HIVEP3: variants seen among roughly 807,000 people sequenced by gnomAD.
HIVEP3 encodes the protein transcription factor HIVEP3.
Under a neutral mutation model 152.8 loss-of-function variants are expected in HIVEP3, and 49 were observed. The observed-to-expected ratio is 0.32, with a 90% CI of 0.26 to 0.41. HIVEP3 has a LOEUF of 0.41. HIVEP3 is among the 10% of genes least tolerant of loss of function. HIVEP3 has a pLI of 1.00. For synonymous variants in HIVEP3, 1,269 were observed against 1,289.0 expected, an observed-to-expected ratio of 0.98 and a Z score of 0.33; for missense variants, 2,790 against 3,103.3, an observed-to-expected ratio of 0.90 and a Z score of 2.40.
At chr1:41,699,738 C>G (rs1646332898) in intron 2 of HIVEP3, among the ~76,000 whole-genome samples, 1 of 152,080 alleles carries the variant, frequency 6.6e-6, no homozygotes, top group African/African-American at 2.4e-5. Flanking sequence ...CTGCCCTGGG[C>G]CCCTATTGAG....
intron 3 of HIVEP3, among the ~76,000 whole-genome samples, chr1:41,598,366 C>G (rs760857868): frequency 1.1e-4 from 17 of 152,146 alleles, no homozygotes; most frequent in Non-Finnish European, 2.1e-4. Context: ...AGTTAAGGTT[C>G]TTGTGTCTAC....
chr1:41,590,040 C>T lies in HIVEP3; in HGVS notation c.-521-4722G>A, dbSNP rs554463937. 3.3e-5 allele frequency among the ~76,000 whole-genome samples: 5 copies of T among 152,356 alleles called. No homozygotes were observed. The South Asian group carries it at 1.0e-3, about 32-fold the overall frequency. ...TGCCCCTTCTAAAAATCTCTGTGTA[C>T]AACACTCTGTGTGTGTGCATGTATG... On this transcript the variant is annotated intron_variant, in intron 3 of 8. Transcript: ENST00000372583.
At position 41,582,058 on chromosome 1, in the gene HIVEP3, C is replaced by T; in HGVS notation, c.2740G>A (p.Ala914Thr). ...AAGCTGGACTCCCCTGATGATTGGG[C>T]CATCTCTGCCAGGCGCAACCTCTTC... ...KKKRLRLAEM[A>T]QSSGESSFES... The change falls in exon 4 of 9, where the codon GCC (alanine) becomes ACC (threonine). Residue 914 changes from alanine to threonine, a missense_variant. Transcript: ENST00000372583. The surrounding 1 kb of genome is among the most constrained non-coding windows in gnomAD (Gnocchi z 4.7). 1.2e-6 allele frequency: 2 copies of T among 1,614,196 alleles called. No individual in the cohort carries two copies. The highest frequency in any genetic ancestry group is 1.3e-5 in the African/African-American group (1 of 75,060).
At chr1:41,592,405 T>C (rs964015481) in intron 3 of HIVEP3, among the ~76,000 whole-genome samples, 2 of 152,238 alleles carry the variant, frequency 1.3e-5, no homozygotes, top group Non-Finnish European at 2.9e-5. Context: ...CAGGTGACAG[T>C]GTGGCCAACT....
intron 1 of HIVEP3, among the ~76,000 whole-genome samples, chr1:41,852,084 G>T (rs1426596267): frequency 1.3e-5 from 2 of 152,224 alleles, no homozygotes; most frequent in Admixed American, 1.3e-4. Context: ...TTATTGATAA[G>T]ACCACATAGG....
intron 3 of HIVEP3, among the ~76,000 whole-genome samples, chr1:41,589,251 T>C (rs1034802593): frequency 6.6e-6 from 1 of 152,120 alleles, no homozygotes; most frequent in Non-Finnish European, 1.5e-5. Context: ...CCTCTACTGA[T>C]GGTCACAGAA....
intron 1 of HIVEP3, among the ~76,000 whole-genome samples, chr1:42,022,254 T>C (rs1645558703): frequency 6.6e-6 from 1 of 152,198 alleles, no homozygotes; most frequent in Admixed American, 6.5e-5. Context: ...AAAGAATCTA[T>C]GCTTCTAATC....
Position 41,581,738 on chromosome 1 carries a change from C to G in HIVEP3, c.3060G>C (p.Leu1020Phe), listed in dbSNP as rs754037377. Residue 1020 changes from leucine to phenylalanine, a missense_variant, in exon 4 of 9, where the codon TTG becomes TTC. This residue lies in a region of HIVEP3 where 1,078 missense variants were observed against 1,165.3 expected (regional missense o/e 0.93). Transcript: ENST00000372583. The surrounding 1 kb of genome is among the most constrained non-coding windows in gnomAD (Gnocchi z 4.5). ...SKSFDYGSLS[L>F]TGPSAPAPVA... is the part of the protein sequence containing the mutation. ...CTGGGGCTGGAGCAGAAGGGCCTGT[C>G]AAGGACAAGCTGCCATAGTCAAAGG... The G allele has an allele frequency of 1.2e-6, 2 of 1,606,962 alleles. No individual in the cohort carries two copies. The highest frequency in any genetic ancestry group is 2.7e-5 in the African/African-American group (2 of 74,644).
intron 1 of HIVEP3, among the ~76,000 whole-genome samples, chr1:41,925,247 G>A (rs1028838672): frequency 2.6e-5 from 4 of 152,150 alleles, no homozygotes; most frequent in Non-Finnish European, 5.9e-5. Context: ...TTGGGGCTCT[G>A]ACTTTTCATG....
At chr1:41,562,550 C>CTTCT (rs1553227786) in intron 5 of HIVEP3, among the ~76,000 whole-genome samples, 3 of 134,726 alleles carry the variant, frequency 2.2e-5, no homozygotes, top group Non-Finnish European at 3.3e-5. Flanking sequence ...TCCTTCCTTC[C>CTTCT]TTCCTTCTTT....
At chr1:41,870,535 G>C (rs783430) in intron 1 of HIVEP3, among the ~76,000 whole-genome samples, 116,379 of 152,118 alleles carry the variant, frequency 0.77, 44,873 homozygotes, top group East Asian at 1. Flanking sequence ...CCGGGTGAAC[G>C]TACAAATGAA....
intron 1 of HIVEP3, among the ~76,000 whole-genome samples, chr1:41,752,849 T>C (rs1336793566): frequency 2.0e-5 from 3 of 152,224 alleles, no homozygotes; most frequent in African/African-American, 7.2e-5. Flanking sequence ...TTCTAAATAA[T>C]CTGGCGTCCC....
intron 1 of HIVEP3, among the ~76,000 whole-genome samples, chr1:41,842,588 A>C (rs919380110): frequency 1.3e-5 from 2 of 152,200 alleles, no homozygotes; most frequent in African/African-American, 4.8e-5. Context: ...CGTGCCCCTG[A>C]GATAACAGAA....
chr1:41,751,015 G>A (rs973225832), intron 1 of HIVEP3, among the ~76,000 whole-genome samples: 16 of 151,980 alleles, frequency 1.1e-4, no homozygotes, highest in Admixed American at 2.0e-4. Flanking sequence ...CACCGCACCC[G>A]GCCCCCAGTG....
intron 5 of HIVEP3, among the ~76,000 whole-genome samples, chr1:41,548,221 A>G (rs1643851126): frequency 6.6e-6 from 1 of 152,184 alleles, no homozygotes; most frequent in Admixed American, 6.5e-5. Flanking sequence ...TGTGTTGAGC[A>G]TTGACATGTC....
chr1:41,512,209 T>C lies in HIVEP3; in HGVS notation c.6405+607A>G, dbSNP rs78460854. ...TCGTGTTGAATTGTAAACCCCAGTG[T>C]TAGAGGTGGGCCTGGTGGGAGGTGT... On this transcript the variant is annotated intron_variant, in intron 8 of 8. Coordinates refer to ENST00000372583, the MANE Select transcript of HIVEP3 (RefSeq NM_024503.5). 3.5e-3 allele frequency among the ~76,000 whole-genome samples: 526 copies of C among 152,188 alleles called. 4 individuals carry two copies. The highest frequency in any genetic ancestry group is 0.011 in the African/African-American group (476 of 41,452).
At chr1:41,567,505 C>A (rs1455775455) in intron 5 of HIVEP3, among the ~76,000 whole-genome samples, 2 of 152,224 alleles carry the variant, frequency 1.3e-5, no homozygotes, top group African/African-American at 4.8e-5. Flanking sequence ...ATGCTCAGAG[C>A]TGCACATCTA....
At position 41,533,504 on chromosome 1, in the gene HIVEP3, C is replaced by A. The variant is rs1277742399; in HGVS notation, c.5208-8594G>T. On this transcript the variant is annotated intron_variant, in intron 5 of 8. Transcript: ENST00000372583. The surrounding 1 kb of genome is among the most constrained non-coding windows in gnomAD (Gnocchi z 4.3). ...GCCCGGATCTGGAGAGGGCTGTCCACACCTCCTCCCCACTCTATGCTTTTG... is the reference window on the plus strand; with the variant it reads ...GCCCGGATCTGGAGAGGGCTGTCCAAACCTCCTCCCCACTCTATGCTTTTG... Among the ~76,000 whole-genome samples, 1 of 152,086 alleles carries A rather than the reference C, an allele frequency of 6.6e-6. No homozygotes were observed. The highest frequency in any genetic ancestry group is 2.4e-5 in the African/African-American group (1 of 41,400).
intron 4 of HIVEP3, among the ~76,000 whole-genome samples, chr1:41,578,325 G>A (rs1644355314): frequency 6.6e-6 from 1 of 152,224 alleles, no homozygotes; most frequent in Admixed American, 6.5e-5. Flanking sequence ...GCCACAGCTA[G>A]TAAGAGACGC....
Sources: gnomAD v4.1 joint callset for allele counts (sites outside exome capture counted in the v4.1 genomes callset) on GRCh38, gnomAD v4.1.1 for gene constraint, gnomAD v4.1.1 regional missense constraint, Gnocchi (gnomAD v3.1) non-coding constraint, MANE v1.5 for transcripts, NCBI Gene and HGNC (gene_info 2026-07-23, HGNC 2026-07-21) for gene names.